The following MRPL3 variants were observed in gnomAD, a reference collection of about 807,000 sequenced individuals.
MRPL3 encodes the protein large ribosomal subunit protein uL3m.
MRPL3 carries 43 observed loss-of-function variants against 44.3 expected under a neutral mutation model. The ratio of observed to expected loss-of-function variants is 0.97; its 90% CI spans 0.76 to 1.25. The LOEUF (loss-of-function observed/expected upper bound fraction) is 1.25, where lower values mean the gene tolerates loss of function less well. Among genes scored for constraint, MRPL3 ranks in the 50% most tolerant of loss-of-function variants. The pLI, the probability that MRPL3 is intolerant of heterozygous loss-of-function variation, is 0.00. For synonymous variants in MRPL3, 171 were observed against 152.3 expected, an observed-to-expected ratio of 1.12 and a Z score of -0.91; for missense variants, 406 against 427.6, an observed-to-expected ratio of 0.95 and a Z score of 0.45.
intron 6 of MRPL3, among the ~76,000 whole-genome samples, chr3:131,475,220 A>G (rs148955319): frequency 6.6e-6 from 1 of 152,324 alleles, no homozygotes; most frequent in African/African-American, 2.4e-5. Flanking sequence ...GGCCATTTAC[A>G]AAGAGGACAA....
At chr3:131,485,994 A>C (rs1934109244) in intron 6 of MRPL3, among the ~76,000 whole-genome samples, 1 of 152,192 alleles carries the variant, frequency 6.6e-6, no homozygotes, top group Admixed American at 6.5e-5. Context: ...GAGAAAACTG[A>C]GGCATCAAAA....
At position 131,500,422 on chromosome 3, in the gene MRPL3, T is replaced by C. The variant is rs1934470950; in HGVS notation, c.369+8A>G. On this transcript the variant is annotated splice_region_variant and intron_variant, in intron 3 of 9. Coordinates refer to ENST00000264995, the MANE Select transcript of MRPL3 (RefSeq NM_007208.4). Reference sequence around the variant, plus strand: ...AGATATCTCTTACGTCTTCTGTTTCTCTCTTACCTGAAGTAATGTGACCAC... The same window carrying C: ...AGATATCTCTTACGTCTTCTGTTTCCCTCTTACCTGAAGTAATGTGACCAC... 1 of 1,607,810 alleles carries C rather than the reference T, an allele frequency of 6.2e-7. No homozygotes were observed. Among genetic ancestry groups the C allele is most frequent in the African/African-American group, 1.3e-5 (1 of 74,902 alleles).
intron 6 of MRPL3, among the ~76,000 whole-genome samples, chr3:131,479,627 C>T (rs1336547749): frequency 6.6e-6 from 1 of 152,076 alleles, no homozygotes; most frequent in Non-Finnish European, 1.5e-5. Context: ...GGGTGGATCA[C>T]GAGGTCAGGA....
Position 131,502,889 on chromosome 3 carries a change from C to A in MRPL3, c.-68G>T. On this transcript the variant is annotated 5_prime_UTR_variant, in exon 1 of 10. Transcript: ENST00000264995. ...TGCCGCTCTGCTTTCAGGGAGTCCCCACGCCACCGCCACGTGGACGCAGTA... is the reference window on the plus strand; with the variant it reads ...TGCCGCTCTGCTTTCAGGGAGTCCCAACGCCACCGCCACGTGGACGCAGTA... 1.4e-6 allele frequency: 2 copies of A among 1,419,724 alleles called. No individual in the cohort carries two copies. The highest frequency in any genetic ancestry group is 4.8e-5 in the East Asian group (2 of 41,852). The allele number at this position is 1,419,724 out of a possible 1,614,324, so 87.9% of individuals were successfully genotyped here.
chr3:131,483,215 T>C (rs1019952751), intron 6 of MRPL3, among the ~76,000 whole-genome samples: 2 of 152,106 alleles, frequency 1.3e-5, no homozygotes, highest in African/African-American at 2.4e-5. Context: ...ATTGCTACTA[T>C]AGAGCAAGAA....
chr3:131,498,469 G>A (rs1439661029), intron 3 of MRPL3, among the ~76,000 whole-genome samples, 192 bp from the exon 4 acceptor site: 3 of 151,318 alleles, frequency 2.0e-5, no homozygotes, highest in African/African-American at 4.9e-5. Flanking sequence ...TTGGGAGGCC[G>A]AGGCGGGCAG....
chr3:131,480,805 T>C (rs1933966114), intron 6 of MRPL3, among the ~76,000 whole-genome samples: 1 of 152,242 alleles, frequency 6.6e-6, no homozygotes, highest in South Asian at 2.1e-4. Flanking sequence ...ATGAATCTAC[T>C]GTCATGTATT....
At chr3:131,496,234 A>G (rs1250763223) in intron 4 of MRPL3, among the ~76,000 whole-genome samples, 3 of 152,230 alleles carry the variant, frequency 2.0e-5, no homozygotes, top group Non-Finnish European at 4.4e-5. Context: ...AGGCTGGTAC[A>G]TAATAAATTT....
intron 6 of MRPL3, among the ~76,000 whole-genome samples, chr3:131,476,724 T>C (rs564892496): frequency 6.6e-6 from 1 of 152,330 alleles, no homozygotes; most frequent in East Asian, 1.9e-4. Flanking sequence ...CTAGGAAACA[T>C]TATTGTCCTT....
intron 7 of MRPL3, among the ~76,000 whole-genome samples, chr3:131,470,106 G>T (rs1933708008): frequency 6.6e-6 from 1 of 151,986 alleles, no homozygotes; most frequent in South Asian, 2.1e-4. Context: ...AAAAAAAATG[G>T]ACTGCCAGGC....
At chr3:131,484,540 C>G (rs542810679) in intron 6 of MRPL3, among the ~76,000 whole-genome samples, 1 of 151,706 alleles carries the variant, frequency 6.6e-6, no homozygotes, top group African/African-American at 2.4e-5. Flanking sequence ...CCGAAAAGTT[C>G]CAAAATGCAT....
chr3:131,476,246 A>G (rs2110699913), intron 6 of MRPL3, among the ~76,000 whole-genome samples: 1 of 152,340 alleles, frequency 6.6e-6, no homozygotes, highest in South Asian at 2.1e-4. Context: ...GTAACCTTTA[A>G]ACAAAAGAAC....
intron 9 of MRPL3, among the ~76,000 whole-genome samples, chr3:131,465,728 A>G (rs1442193670): frequency 2.6e-5 from 4 of 152,132 alleles, no homozygotes; most frequent in South Asian, 2.1e-4. Flanking sequence ...AAGACAAAAT[A>G]CCACGGGAAG....
intron 3 of MRPL3, 133 bp downstream of exon 3, chr3:131,500,297 A>G: frequency 1.5e-6 from 1 of 678,964 alleles, no homozygotes; most frequent in Non-Finnish European, 2.5e-6. Context: ...CTTTAATACT[A>G]TTTATGTTCA....
rs139726185 is a variant in MRPL3 at position 131,497,811 on chromosome 3, A to G, written c.468+368T>C. Among the ~76,000 whole-genome samples, 304 of 152,358 alleles carry G rather than the reference A, an allele frequency of 2.0e-3. 1 individual carries two copies. The highest frequency in any genetic ancestry group is 6.9e-3 in the African/African-American group (286 of 41,586). ...AGAAAGTGAAATGAAACATAAAACAATAACAAAATAACCAAATCTACTGAG... is the reference window on the plus strand; with the variant it reads ...AGAAAGTGAAATGAAACATAAAACAGTAACAAAATAACCAAATCTACTGAG... On this transcript the variant is annotated intron_variant, in intron 4 of 9. Coordinates refer to ENST00000264995, the MANE Select transcript of MRPL3 (RefSeq NM_007208.4).
Position 131,462,813 on chromosome 3 carries a change from A to AT in MRPL3, c.956dup (p.Tyr319Ter), listed in dbSNP as rs1933519721. 6.2e-7 allele frequency: 1 copy of AT among 1,612,940 alleles called. No homozygotes were observed. Among genetic ancestry groups the AT allele is most frequent in the Non-Finnish European group, 8.5e-7 (1 of 1,179,354 alleles). The change falls in exon 10 of 10, where the codon TAT becomes TAAT. Residue 319 changes from tyrosine to a stop codon, truncating the protein, a stop_gained and frameshift_variant. Transcript: ENST00000264995. LOFTEE classifies it high-confidence loss of function. ...GTTCCTCTTCATCTCCATCAGGAAA[A>AT]TATGTAGGGAATGGTAGATTTTTAC... ...DLGKNLPFPTYFPDGDEEELP... is the reference protein window; with the variant it reads ...DLGKNLPFPT
intron 5 of MRPL3, chr3:131,488,816 T>C (rs1934186221): frequency 6.6e-6 from 1 of 152,020 alleles, no homozygotes; most frequent in Non-Finnish European, 1.5e-5. Context: ...ATGAAGAAAA[T>C]ATAGAGATTT....
At chr3:131,469,236 A>G (rs180943427) in intron 8 of MRPL3, among the ~76,000 whole-genome samples, 2,938 of 149,290 alleles carry the variant, frequency 0.02, 62 homozygotes, top group East Asian at 0.074. Flanking sequence ...ACACACACGC[A>G]CACACACACA....
chr3:131,475,193 A>G (rs1933830087), intron 6 of MRPL3, among the ~76,000 whole-genome samples: 1 of 152,200 alleles, frequency 6.6e-6, no homozygotes, highest in African/African-American at 2.4e-5. Flanking sequence ...AGCTATTATT[A>G]TATAGTGTAC....
Sources: gnomAD v4.1 joint callset for allele counts (sites outside exome capture counted in the v4.1 genomes callset) on GRCh38, gnomAD v4.1.1 for gene constraint, MANE v1.5 for transcripts, NCBI Gene and HGNC (gene_info 2026-07-23, HGNC 2026-07-21) for gene names.